Variants in ZBTB8A observed in about 807,000 individuals in gnomAD.
The protein encoded by ZBTB8A is zinc finger and BTB domain containing 8A.
ZBTB8A carries 19 observed loss-of-function variants against 37.8 expected under a neutral mutation model. The ratio of observed to expected loss-of-function variants is 0.50; its 90% confidence interval spans 0.35 to 0.74. ZBTB8A has a LOEUF of 0.74. Among genes scored for constraint, ZBTB8A ranks in the 30% least tolerant of loss-of-function variants. ZBTB8A has a pLI of 0.01. For synonymous variants in ZBTB8A, 181 were observed against 185.2 expected (o/e 0.98, Z 0.19); for missense variants, 394 against 537.8 (o/e 0.73, Z 2.65).
At chr1:32,565,417 G>A (rs1644270983) in intron 2 of ZBTB8A, among the ~76,000 whole-genome samples, 1 of 152,180 alleles carries the variant, frequency 6.6e-6, no homozygotes, top group South Asian at 2.1e-4. Context: ...ACTTTGGGAG[G>A]CCCAGGCTGG....
chr1:32,550,015 G>T (rs1644139015), intron 1 of ZBTB8A, among the ~76,000 whole-genome samples: 1 of 152,184 alleles, frequency 6.6e-6, no homozygotes, highest in Non-Finnish European at 1.5e-5. Flanking sequence ...AAACTGAATT[G>T]TAAAGGAGTC....
At chr1:32,546,975 C>T (rs539146224) in intron 1 of ZBTB8A, among the ~76,000 whole-genome samples, 11 of 151,876 alleles carry the variant, frequency 7.2e-5, no homozygotes, top group African/African-American at 2.7e-4. Flanking sequence ...AATCACAGCT[C>T]ACTGCAGCCT....
rs1644602098 is a variant in ZBTB8A at position 32,604,781 on chromosome 1, C to T, written c.*4362C>T. The T allele has an allele frequency of 6.6e-6, 1 of 152,068 alleles. No homozygotes were observed. Among genetic ancestry groups the T allele is most frequent in the Non-Finnish European group, 1.5e-5 (1 of 68,024 alleles). 9.4% of individuals were successfully genotyped at this position (152,068 alleles called of 1,614,324 possible). Reference sequence around the variant, plus strand: ...GCCAAGATATATTGAAATTTCCACTCATATTGGTTTTTAAAATTTTTTTTA... The same window carrying T: ...GCCAAGATATATTGAAATTTCCACTTATATTGGTTTTTAAAATTTTTTTTA... On this transcript the variant is annotated 3_prime_UTR_variant, in exon 5 of 5. Coordinates refer to ENST00000373510, the MANE Select transcript of ZBTB8A (RefSeq NM_001040441.3).
At chr1:32,574,332 C>T (rs540816077) in intron 2 of ZBTB8A, among the ~76,000 whole-genome samples, 12 of 152,040 alleles carry the variant, frequency 7.9e-5, no homozygotes, top group Admixed American at 4.6e-4. Flanking sequence ...AGGCCAGGTG[C>T]GGTGGCTTAC....
intron 2 of ZBTB8A, among the ~76,000 whole-genome samples, chr1:32,580,061 G>A (rs914989212): frequency 1.3e-5 from 2 of 151,840 alleles, no homozygotes; most frequent in African/African-American, 4.8e-5. Context: ...GGGTAGATGG[G>A]ACAACATTTT....
rs1170510859 is a variant in ZBTB8A, at chr1:32,560,615, C to CTTTTTTTTTTTTTTTTTTTTTTTTTTTTT, written c.-2+7099_-2+7100insTTTTTTTTTTTTTTTTTTTTTTTTTTTTT. Among the ~76,000 whole-genome samples the CTTTTTTTTTTTTTTTTTTTTTTTTTTTTT allele has an allele frequency of 6.7e-4, 61 of 90,786 alleles. 1 individual carries two copies. Among genetic ancestry groups the CTTTTTTTTTTTTTTTTTTTTTTTTTTTTT allele is most frequent in the Non-Finnish European group, 7.6e-4 (37 of 48,830 alleles). 59.6% of individuals were successfully genotyped at this position (90,786 alleles called of 152,430 possible). ...CTTTCTTTTTTCTTTTCTTTTCTTT[C>CTTTTTTTTTTTTTTTTTTTTTTTTTTTTT]TTTTTTTTTTTTTTTTTTTTTTTTG... On this transcript the variant is annotated intron_variant, in intron 2 of 4. Transcript: ENST00000373510.
At chr1:32,587,348 C>T (rs1644457472) in intron 2 of ZBTB8A, among the ~76,000 whole-genome samples, 1 of 152,108 alleles carries the variant, frequency 6.6e-6, no homozygotes, top group Non-Finnish European at 1.5e-5. Context: ...AAACCAACAA[C>T]ATGGAGTCAA....
intron 4 of ZBTB8A, among the ~76,000 whole-genome samples, chr1:32,599,380 A>G (rs758289994): frequency 5.9e-5 from 9 of 151,952 alleles, no homozygotes; most frequent in Non-Finnish European, 1.3e-4. Flanking sequence ...AGCCATGGTC[A>G]CCACTACACC....
chr1:32,578,938 T>G (rs1644383002), intron 2 of ZBTB8A, among the ~76,000 whole-genome samples: 2 of 152,098 alleles, frequency 1.3e-5, no homozygotes, highest in Admixed American at 1.3e-4. Flanking sequence ...GTGTCTGAAT[T>G]TTGTTGTCTG....
intron 2 of ZBTB8A, among the ~76,000 whole-genome samples, chr1:32,575,693 TAA>T (rs551092987): frequency 1.4e-5 from 2 of 139,044 alleles, no homozygotes; most frequent in Non-Finnish European, 1.6e-5. Flanking sequence ...TGCAAAAAAT[TAA>T]AAAAAAAAAA....
chr1:32,576,915 C>T (rs1490819541), intron 2 of ZBTB8A, among the ~76,000 whole-genome samples: 1 of 148,002 alleles, frequency 6.8e-6, no homozygotes, highest in Non-Finnish European at 1.5e-5. Context: ...CTCTGTTATC[C>T]AGGCTGGAGT....
chr1:32,554,589 C>G (rs1050238645), intron 2 of ZBTB8A, among the ~76,000 whole-genome samples: 1 of 151,802 alleles, frequency 6.6e-6, no homozygotes, highest in Non-Finnish European at 1.5e-5. Flanking sequence ...TCAAGCAGTT[C>G]TGCCTCAGCC....
At chr1:32,554,217 AAG>A in intron 2 of ZBTB8A, among the ~76,000 whole-genome samples, 1 of 151,264 alleles carries the variant, frequency 6.6e-6, no homozygotes, top group Non-Finnish European at 1.5e-5. Flanking sequence ...AAAAAAAAAA[AAG>A]GGTAAAATTT....
chr1:32,585,027 CTTTTTT>C lies in ZBTB8A; in HGVS notation c.-1-7887_-1-7882del, dbSNP rs1163697499. 1.5e-3 allele frequency among the ~76,000 whole-genome samples: 158 copies of C among 105,592 alleles called. 1 individual carries two copies. Among genetic ancestry groups the C allele is most frequent in the African/African-American group, 4.6e-3 (128 of 27,766 alleles). 69.3% of individuals were successfully genotyped at this position (105,592 alleles called of 152,430 possible). On this transcript the variant is annotated intron_variant, in intron 2 of 4. Transcript: ENST00000373510. Reference sequence around the variant, plus strand: ...TATCTACGAAGAATGTTTCAGATTTCTTTTTTTTTTTTTTTTTTTTTTGAGAAGGGT... The same window carrying C: ...TATCTACGAAGAATGTTTCAGATTTCTTTTTTTTTTTTTTTTGAGAAGGGT...
chr1:32,562,737 A>AC (rs1188294003), intron 2 of ZBTB8A, among the ~76,000 whole-genome samples: 1 of 151,092 alleles, frequency 6.6e-6, no homozygotes. Context: ...GCCCACCACC[A>AC]CACCCAGCTA....
intron 1 of ZBTB8A, among the ~76,000 whole-genome samples, chr1:32,549,409 G>A (rs1371347414): frequency 1.3e-5 from 2 of 151,528 alleles, no homozygotes; most frequent in Admixed American, 6.6e-5. Context: ...CAGGAGAATC[G>A]CTTGAACCCA....
At chr1:32,597,549 C>T (rs1344165165) in intron 4 of ZBTB8A, among the ~76,000 whole-genome samples, 7 of 152,194 alleles carry the variant, frequency 4.6e-5, no homozygotes. Flanking sequence ...CTGGAATCAG[C>T]CATTTCTCAA....
Position 32,600,445 on chromosome 1 carries a change from C to A in ZBTB8A, c.*26C>A. On this transcript the variant is annotated 3_prime_UTR_variant, in exon 5 of 5. Coordinates refer to ENST00000373510, the MANE Select transcript of ZBTB8A (RefSeq NM_001040441.3). ...CTGTAATGTGAACCAACAGAGCTGG[C>A]ATGTCTGCAATTTACATTGACTTCC... The A allele has an allele frequency of 6.5e-7, 1 of 1,539,602 alleles. No homozygotes were observed.
intron 2 of ZBTB8A, among the ~76,000 whole-genome samples, chr1:32,579,590 G>A (rs1644388690): frequency 6.6e-6 from 1 of 152,048 alleles, no homozygotes; most frequent in South Asian, 2.1e-4. Flanking sequence ...TTCTTCTCTG[G>A]TACTTTGCCT....
Sources: gnomAD v4.1 joint callset for allele counts (sites outside exome capture counted in the v4.1 genomes callset) on GRCh38, gnomAD v4.1.1 for gene constraint, MANE v1.5 for transcripts, NCBI Gene and HGNC (gene_info 2026-07-23, HGNC 2026-07-21) for gene names.